CIDEB: variants seen among roughly 807,000 people sequenced by gnomAD.
CIDEB encodes cell death inducing DFFA like effector b.
Under a neutral mutation model 22.4 loss-of-function variants are expected in CIDEB, and 27 were observed. The ratio of observed to expected loss-of-function variants is 1.21; its 90% CI spans 0.89 to 1.66. CIDEB has a LOEUF of 1.66. CIDEB is among the 40% of genes most tolerant of loss of function. The pLI, the probability that CIDEB is intolerant of heterozygous loss-of-function variation, is 0.00. For missense variants in CIDEB, 289 were observed against 268.7 expected (o/e 1.08, Z -0.53); for synonymous variants, 103 against 109.5 (o/e 0.94, Z 0.37).
Position 24,307,397 on chromosome 14 carries a change from C to G in CIDEB, c.160G>C (p.Ala54Pro), listed in dbSNP as rs1465701305. 5 of 1,613,794 alleles carry G rather than the reference C, an allele frequency of 3.1e-6. No homozygotes were observed. In the East Asian group the frequency reaches 1.1e-4, roughly 36 times the overall value. ...KRTIRKGLTA[A>P]TRQELLAKAL... ...TTGGCTAGCAGCTCCTGGCGGGTGG[C>G]AGCTGTCAGGCCTTTCCGGATGGTC... The change falls in exon 2 of 5, where the codon GCC becomes CCC. Residue 54 changes from alanine to proline, a missense_variant. Coordinates refer to ENST00000554411, the MANE Select transcript of CIDEB (RefSeq NM_001393339.1).
Position 24,305,730 on chromosome 14 carries a change from C to A in CIDEB, c.563G>T (p.Gly188Val). The change falls in exon 5 of 5, where the codon GGC (glycine) becomes GTC (valine). Residue 188 changes from glycine to valine, a missense_variant. Physicochemically the swap from Gly to Val is moderately radical, Grantham distance 109 (BLOSUM62 -3). Transcript: ENST00000554411. ...LLRWTSTLLQ[G>V]LGHMLLGISS... ...AATTCCCAGCAACATATGGCCCAGGCCTTGCAGCAGTGTGGAGGTCCAACG... is the reference window on the plus strand; with the variant it reads ...AATTCCCAGCAACATATGGCCCAGGACTTGCAGCAGTGTGGAGGTCCAACG... 1 of 1,614,146 alleles carries A rather than the reference C, an allele frequency of 6.2e-7. No individual in the cohort carries two copies. The highest frequency in any genetic ancestry group is 8.5e-7 in the Non-Finnish European group (1 of 1,180,026).
rs754056373 is a variant in CIDEB at position 24,306,184 on chromosome 14, C to G, written c.337-47G>C. On this transcript the variant is annotated intron_variant, in intron 3 of 4. Coordinates refer to ENST00000554411, the MANE Select transcript of CIDEB (RefSeq NM_001393339.1). ...GCAGTAGATCCTCATACCAGACACC[C>G]ACCACTAATCTCCATCAGCACTGGG... The G allele has an allele frequency of 3.2e-6, 5 of 1,582,580 alleles. No individual in the cohort carries two copies. The African/African-American group carries it at 6.7e-5, about 21-fold the overall frequency.
rs756881098 is a variant in CIDEB, at chr14:24,305,951, G to A, written c.523C>T (p.Leu175Phe). ...DFQGLGPKKV[L>F]RELLRWTSTL... ...TATGACATGTTGATTTCTGACCTGA[G>A]TACTTTCTTTGGGCCAAGTCCTTGA... is the stretch of plus-strand genomic sequence containing the variant. The change falls in exon 4 of 5, where the codon CTC (leucine) becomes TTC (phenylalanine). Residue 175 changes from leucine (L) to phenylalanine (F), a missense_variant. Coordinates refer to ENST00000554411, the MANE Select transcript of CIDEB (RefSeq NM_001393339.1). The A allele has an allele frequency of 2.5e-6, 4 of 1,613,316 alleles. No individual in the cohort carries two copies. Among genetic ancestry groups the A allele is most frequent in the Admixed American group, 3.3e-5 (2 of 59,976 alleles).
chr14:24,307,377 T>C lies in CIDEB; in HGVS notation c.180A>G (p.Leu60=). Residue 60 remains leucine, a synonymous_variant, in exon 2 of 5, where the codon CTA becomes CTG. Transcript: ENST00000554411. ...GLTAATRQEL[L]AKALETLLLN... The stretch of plus-strand genomic sequence containing the variant: ...AGGAACTTGGCCTACTTACTTTGGC[T>C]AGCAGCTCCTGGCGGGTGGCAGCTG... 1.2e-6 allele frequency: 2 copies of C among 1,613,176 alleles called. No individual in the cohort carries two copies. Among genetic ancestry groups the C allele is most frequent in the Non-Finnish European group, 1.7e-6 (2 of 1,179,412 alleles).
rs1566418303 is a variant in CIDEB, at chr14:24,307,501, A to T, written c.56T>A (p.Ile19Lys). 1 of 1,613,916 alleles carries T rather than the reference A, an allele frequency of 6.2e-7. No homozygotes were observed. Among genetic ancestry groups the T allele is most frequent in the African/African-American group, 1.3e-5 (1 of 75,020 alleles). ...GACCCTCCGTCCAAACTCCGAGCTT[A>T]TATTAGATACTGACCTGGTAGTTGA... The part of the protein sequence containing the change: ...PSDLLRSVSN[I>K]SSEFGRRVWT... The change falls in exon 2 of 5, where the codon ATA (isoleucine) becomes AAA (lysine). Residue 19 changes from isoleucine to lysine, a missense_variant. Coordinates refer to ENST00000554411, the MANE Select transcript of CIDEB (RefSeq NM_001393339.1).
chr14:24,307,651 A>G lies in CIDEB; in HGVS notation c.42-136T>C, dbSNP rs2041559947. ...ATCGATTAGGGATGAGGGAGAGACC[A>G]TGGAGTGCAGGTGGGGGCGGGTGGC... is the stretch of plus-strand genomic sequence containing the variant. On this transcript the variant is annotated intron_variant, in intron 1 of 4. Coordinates refer to ENST00000554411, the MANE Select transcript of CIDEB (RefSeq NM_001393339.1). The G allele has an allele frequency of 1.3e-5, 10 of 769,620 alleles. No homozygotes were observed. In the South Asian group the frequency reaches 1.5e-4, roughly 12 times the overall value. The allele number at this position is 769,620 out of a possible 1,614,324, so 47.7% of individuals were successfully genotyped here. A position where few individuals can be genotyped will look rare whatever the true frequency, so the allele number is the denominator to read the frequency against.
chr14:24,307,251 C>G (rs11158634), intron 2 of CIDEB, 120 bp downstream of exon 2: 212,869 of 1,114,768 alleles, frequency 0.19, 22,626 homozygotes, highest in Admixed American at 0.34. Context: ...CTGCTTTTAG[C>G]CCTCAGAGGG....
At position 24,307,801 on chromosome 14, in the gene CIDEB, G is replaced by A. The variant is rs1021340822; in HGVS notation, c.41+17C>T. The A allele has an allele frequency of 1.6e-5, 25 of 1,589,010 alleles. No homozygotes were observed. Among genetic ancestry groups the A allele is most frequent in the African/African-American group, 5.4e-5 (4 of 74,578 alleles). On this transcript the variant is annotated intron_variant, in intron 1 of 4. Transcript: ENST00000554411. ...ATCCCCTAAAGGTGGAGGGTAGAGC[G>A]GAGGGTTAGCAGTCACCTGAGTAAG...
chr14:24,305,821 A>G (rs1483549605), intron 4 of CIDEB, 56 bp from the exon 5 acceptor site: 1 of 1,601,818 alleles, frequency 6.2e-7, no homozygotes, highest in Non-Finnish European at 8.5e-7. Flanking sequence ...GGAGGAAGCC[A>G]TCAAGCTGGG....
intron 2 of CIDEB, chr14:24,306,956 C>T (rs188904414): frequency 1.6e-5 from 4 of 254,390 alleles, no homozygotes; most frequent in South Asian, 6.2e-5. Flanking sequence ...CCTACATTAT[C>T]CTCTTACTCC....
At chr14:24,307,231 G>T in intron 2 of CIDEB, 140 bp downstream of exon 2, 2 of 887,868 alleles carry the variant, frequency 2.3e-6, no homozygotes, top group Non-Finnish European at 3.5e-6. Flanking sequence ...AGCTCATTAG[G>T]CCCACTCCGC....
chr14:24,310,656 C>A, upstream of CIDEB: 8 of 1,614,098 alleles, frequency 5.0e-6, no homozygotes, highest in Non-Finnish European at 6.8e-6. Flanking sequence ...CACCTGTAGG[C>A]CCAGAAGGAT....
chr14:24,310,915 G>A (rs1291919442), upstream of CIDEB: 3 of 1,589,766 alleles, frequency 1.9e-6, no homozygotes, highest in African/African-American at 1.4e-5. Flanking sequence ...TTCCTGACCC[G>A]GCAGGCCTGG....
chr14:24,306,560 T>C (rs370762499), intron 2 of CIDEB, 37 bp from the exon 3 acceptor site: 3 of 1,613,264 alleles, frequency 1.9e-6, no homozygotes, highest in Non-Finnish European at 1.7e-6. Flanking sequence ...GCAGGTCTTA[T>C]CCCATGCCCC....
At position 24,306,371 on chromosome 14, in the gene CIDEB, T is replaced by A; in HGVS notation, c.336+3A>T. On this transcript the variant is annotated splice_donor_region_variant and intron_variant, in intron 3 of 4. Coordinates refer to ENST00000554411, the MANE Select transcript of CIDEB (RefSeq NM_001393339.1). ...GGAAGCAGCCCCAGTATAGGCCTCT[T>A]ACCCTTGTAGGGCTCCAGCTCTGAC... The A allele has an allele frequency of 6.2e-7, 1 of 1,614,196 alleles. No homozygotes were observed. Among genetic ancestry groups the A allele is most frequent in the Non-Finnish European group, 8.5e-7 (1 of 1,180,022 alleles).
intron 4 of CIDEB, 36 bp downstream of exon 4, chr14:24,305,911 T>A: frequency 6.3e-7 from 1 of 1,599,120 alleles, no homozygotes; most frequent in Non-Finnish European, 8.5e-7. Flanking sequence ...TATCCAACTG[T>A]AGGGGATGGG....
upstream of CIDEB, chr14:24,310,380 T>C: frequency 4.9e-6 from 3 of 613,702 alleles, no homozygotes; most frequent in East Asian, 2.7e-5. Flanking sequence ...AGTGACAGCC[T>C]GGGGTGATGA....
intron 2 of CIDEB, 37 bp downstream of exon 2, chr14:24,307,334 C>T: frequency 2.5e-6 from 4 of 1,588,512 alleles, no homozygotes; most frequent in African/African-American, 1.3e-5. Context: ...CCCTTGGCTA[C>T]CCCTGCTATA....
At chr14:24,307,984 A>C (rs1366526502), upstream of CIDEB, 1 of 878,610 alleles carries the variant, frequency 1.1e-6, no homozygotes, top group Non-Finnish European at 1.8e-6. Context: ...GAATGAGTCA[A>C]GCCTGGACTC....
Sources: gnomAD v4.1 joint callset for allele counts on GRCh38, gnomAD v4.1.1 for gene constraint, MANE v1.5 for transcripts, NCBI Gene and HGNC (gene_info 2026-07-23, HGNC 2026-07-21) for gene names.